COL6A6: variants seen among roughly 807,000 people sequenced by gnomAD.
The protein encoded by COL6A6 is collagen alpha-6(VI) chain.
COL6A6 carries 183 observed loss-of-function variants against 208.6 expected under a neutral mutation model. That is an observed-to-expected ratio of 0.88 (90% CI 0.78 to 0.99). The LOEUF (loss-of-function observed/expected upper bound fraction) is 0.99. Among genes scored for constraint, COL6A6 ranks in the 50% least tolerant of loss-of-function variants. The pLI is 0.00. For synonymous variants in COL6A6, 973 were observed against 1,011.8 expected, an observed-to-expected ratio of 0.96 and a Z score of 0.73; for missense variants, 2,816 against 2,815.2, an observed-to-expected ratio of 1.00 and a Z score of -0.01.
At chr3:130,604,165 A>G (rs2064108939) in intron 20 of COL6A6, among the ~76,000 whole-genome samples, 1 of 152,200 alleles carries the variant, frequency 6.6e-6, no homozygotes, top group Non-Finnish European at 1.5e-5. Context: ...GCAACCCAAT[A>G]TATCTCTCCC....
In COL6A6 at chr3:130,586,701, T is replaced by C. The variant is rs767117263; in HGVS notation, c.4125+41T>C. On this transcript the variant is annotated intron_variant, in intron 11 of 36. Transcript: ENST00000358511. ...AAGGCTGGTGAGCTTAAATTTTCAA[T>C]TATTTTGTATATAAGTTTAATACTT... 5.1e-6 allele frequency: 8 copies of C among 1,573,240 alleles called. No homozygotes were observed. In the East Asian group the frequency reaches 1.8e-4, roughly 35 times the overall value.
rs765967672 is a variant in COL6A6, at chr3:130,565,562, A to G, written c.1230A>G (p.Gln410=). 9.9e-6 allele frequency: 16 copies of G among 1,613,608 alleles called. No individual in the cohort carries two copies. In the East Asian group the frequency reaches 1.1e-4, roughly 11 times the overall value. Residue 410 remains glutamine, a synonymous_variant, in exon 4 of 37, where the codon CAA becomes CAG. Transcript: ENST00000358511. ...NQTFLKKLRN[Q]ITHTVSVFSE... The stretch of plus-strand genomic sequence containing the variant: ...CATTTCTGAAGAAGCTGCGGAACCA[A>G]ATAACACACACAGTCTCTGTCTTTT...
intron 6 of COL6A6, among the ~76,000 whole-genome samples, chr3:130,570,448 A>G (rs554488531): frequency 3.3e-4 from 50 of 152,368 alleles, no homozygotes; most frequent in African/African-American, 1.1e-3. Context: ...AAAAAATTGT[A>G]TAAATGAAAG....
chr3:130,567,818 A>G (rs2063065315), intron 5 of COL6A6, among the ~76,000 whole-genome samples: 1 of 152,222 alleles, frequency 6.6e-6, no homozygotes, highest in African/African-American at 2.4e-5. Flanking sequence ...ATGATACCCA[A>G]GATGTCAATG....
chr3:130,547,200 G>A (rs954390644), intron 1 of COL6A6, among the ~76,000 whole-genome samples: 1 of 152,264 alleles, frequency 6.6e-6, no homozygotes, highest in Non-Finnish European at 1.5e-5. Flanking sequence ...CCCGAGCCAT[G>A]CCCCGCAGGG....
chr3:130,553,067 C>T lies in COL6A6; in HGVS notation c.-31-7267C>T, dbSNP rs150815835. Among the ~76,000 whole-genome samples, 391 of 152,210 alleles carry T rather than the reference C, an allele frequency of 2.6e-3. 1 individual carries two copies. Among genetic ancestry groups the T allele is most frequent in the Non-Finnish European group, 4.3e-3 (292 of 68,012 alleles). Reference sequence around the variant, plus strand: ...ATGACCTGCCCCTTTTCACTAGCTGCCTTTAACATTTTTTTTCTTTCATTT... The same window carrying T: ...ATGACCTGCCCCTTTTCACTAGCTGTCTTTAACATTTTTTTTCTTTCATTT... On this transcript the variant is annotated intron_variant, in intron 1 of 36. Coordinates refer to ENST00000358511, the MANE Select transcript of COL6A6 (RefSeq NM_001102608.3).
chr3:130,590,491 T>A (rs2108066308), intron 12 of COL6A6, among the ~76,000 whole-genome samples: 1 of 110,710 alleles, frequency 9.0e-6, no homozygotes, highest in Admixed American at 1.2e-4. Flanking sequence ...CCCCTGTGTG[T>A]GATGTTCCCC....
Position 130,622,105 on chromosome 3 carries a change from C to G in COL6A6, c.4878+222C>G, listed in dbSNP as rs116583870. Among the ~76,000 whole-genome samples, 983 of 152,204 alleles carry G rather than the reference C, an allele frequency of 6.5e-3. 7 individuals are homozygous for G. The highest frequency in any genetic ancestry group is 0.021 in the African/African-American group (888 of 41,502). On this transcript the variant is annotated intron_variant, in intron 24 of 36. Coordinates refer to ENST00000358511, the MANE Select transcript of COL6A6 (RefSeq NM_001102608.3). ...AGTGTAATTTAAGAGGGGAGGGATA[C>G]ACCCTATTGGAGCTGAGGGATCTCA...
chr3:130,641,067 G>A (rs1045675106), intron 28 of COL6A6, among the ~76,000 whole-genome samples: 4 of 152,200 alleles, frequency 2.6e-5, no homozygotes, highest in African/African-American at 9.6e-5. Flanking sequence ...TTTAAAAGAT[G>A]ATTATTAATG....
At chr3:130,607,001 A>G in intron 21 of COL6A6, 35 bp downstream of exon 21, 1 of 1,528,602 alleles carries the variant, frequency 6.5e-7, no homozygotes, top group Non-Finnish European at 9.0e-7. Flanking sequence ...CCAAATAACA[A>G]ATACTGCATC....
intron 13 of COL6A6, 50 bp downstream of exon 13, chr3:130,591,144 A>C: frequency 7.5e-7 from 1 of 1,325,722 alleles, no homozygotes; most frequent in Non-Finnish European, 1.1e-6. Context: ...AACATCTACA[A>C]TATGAATTTC....
chr3:130,541,201 T>C (rs750193563), intron 1 of COL6A6, among the ~76,000 whole-genome samples: 69 of 152,196 alleles, frequency 4.5e-4, no homozygotes, highest in Admixed American at 1.4e-3. Context: ...CCAACAAACA[T>C]ATTTTTAAAA....
At chr3:130,650,481 C>T (rs994435923) in intron 33 of COL6A6, among the ~76,000 whole-genome samples, 26 of 152,020 alleles carry the variant, frequency 1.7e-4, no homozygotes, top group Non-Finnish European at 2.4e-4. Context: ...ATTAGCCGGG[C>T]GCGATGGCAG....
chr3:130,563,437 A>G lies in COL6A6; in HGVS notation c.434A>G (p.Asp145Gly), dbSNP rs1182993724. The G allele has an allele frequency of 6.2e-7, 1 of 1,613,902 alleles. No homozygotes were observed. The highest frequency in any genetic ancestry group is 8.5e-7 in the Non-Finnish European group (1 of 1,179,904). ...GTCCTGGCTTCATCTGAGTCTGAGG[A>G]TAATGTGGAAGAGGCATCAAAGGCC... ...LVVLASSESE[D>G]NVEEASKALR... Residue 145 changes from aspartate to glycine, a missense_variant, in exon 3 of 37, where the codon GAT (aspartate) becomes GGT (glycine). Asp to Gly is a moderately conservative substitution (Grantham distance 94). Coordinates refer to ENST00000358511, the MANE Select transcript of COL6A6 (RefSeq NM_001102608.3).
intron 24 of COL6A6, among the ~76,000 whole-genome samples, chr3:130,625,637 CAA>C (rs1388641974): frequency 6.6e-6 from 1 of 152,096 alleles, no homozygotes; most frequent in Non-Finnish European, 1.5e-5. Context: ...TCAAGGTTAT[CAA>C]AAAGTCTGAG....
intron 21 of COL6A6, among the ~76,000 whole-genome samples, chr3:130,607,977 G>A (rs114796869): frequency 1.2e-3 from 176 of 152,290 alleles, no homozygotes; most frequent in African/African-American, 4.0e-3. Flanking sequence ...AGGGCTTGCT[G>A]TTCACTCTAG....
intron 23 of COL6A6, among the ~76,000 whole-genome samples, chr3:130,611,847 A>C (rs760265314): frequency 6.6e-6 from 1 of 152,168 alleles, no homozygotes; most frequent in Non-Finnish European, 1.5e-5. Context: ...GGCAAACTGC[A>C]TGTCATGGGG....
At chr3:130,540,300 G>A (rs1300856512) in intron 1 of COL6A6, among the ~76,000 whole-genome samples, 4 of 152,098 alleles carry the variant, frequency 2.6e-5, no homozygotes, top group Admixed American at 6.5e-5. Context: ...CTCTATCAGC[G>A]TGGGATATCT....
intron 33 of COL6A6, among the ~76,000 whole-genome samples, chr3:130,653,950 A>C (rs2078729353): frequency 2.0e-5 from 3 of 152,228 alleles, no homozygotes; most frequent in Admixed American, 6.5e-5. Flanking sequence ...ATACGTGATT[A>C]AATGTGAGCC....
Sources: allele counts gnomAD v4.1 joint callset (sites outside exome capture counted in the v4.1 genomes callset), GRCh38; gene constraint gnomAD v4.1.1; transcripts MANE v1.5; gene names NCBI Gene and HGNC (gene_info 2026-07-23, HGNC 2026-07-21).